The following AGFG1 variants were observed in gnomAD, a reference collection of about 807,000 sequenced individuals.
The protein encoded by AGFG1 is ArfGAP with FG repeats 1, also known as arf-GAP domain and FG repeat-containing protein 1.
A neutral mutation model predicts 60.6 loss-of-function variants in AGFG1; 10 were observed. The observed-to-expected ratio is 0.16, with a 90% CI of 0.10 to 0.28. The LOEUF is 0.28. AGFG1 is among the 10% of genes least tolerant of loss of function. The pLI, the probability that AGFG1 is intolerant of heterozygous loss-of-function variation, is 1.00. For synonymous variants in AGFG1, 247 were observed against 242.9 expected, an observed-to-expected ratio of 1.02 and a Z score of -0.16; for missense variants, 537 against 676.5, an observed-to-expected ratio of 0.79 and a Z score of 2.29.
intron 1 of AGFG1, among the ~76,000 whole-genome samples, chr2:227,474,086 A>G (rs567809013): frequency 1.3e-5 from 2 of 152,304 alleles, no homozygotes; most frequent in South Asian, 2.1e-4. Flanking sequence ...CCAGTTAATA[A>G]TATTCTCGAA....
At chr2:227,474,123 A>C (rs1231596279) in intron 1 of AGFG1, among the ~76,000 whole-genome samples, 1 of 152,238 alleles carries the variant, frequency 6.6e-6, no homozygotes, top group South Asian at 2.1e-4. Context: ...GAGCTAGGTG[A>C]TATCAAGGAG....
Position 227,496,121 on chromosome 2 carries a change from A to AAAGG in AGFG1, c.261+4483_261+4484insGGAA, listed in dbSNP as rs1553540677. On this transcript the variant is annotated intron_variant, in intron 2 of 12. Coordinates refer to ENST00000310078, the MANE Select transcript of AGFG1 (RefSeq NM_004504.5). The stretch of plus-strand genomic sequence containing the variant: ...GAGTGAGACTGTCTCAAAAAAAAAA[A>AAAGG]AAAGAAAAAAAAAGAAGACATTATT... Among the ~76,000 whole-genome samples, 2 of 142,974 alleles carry AAAGG rather than the reference A, an allele frequency of 1.4e-5. 1 individual carries two copies. The highest frequency in any genetic ancestry group is 1.4e-4 in the Admixed American group (2 of 14,256). 93.8% of individuals were successfully genotyped at this position (142,974 alleles called of 152,430 possible). A position where few individuals can be genotyped will look rare whatever the true frequency, so the allele number is the denominator to read the frequency against.
intron 4 of AGFG1, 121 bp from the exon 5 acceptor site, chr2:227,524,641 G>T: frequency 2.0e-6 from 2 of 1,009,820 alleles, no homozygotes; most frequent in Non-Finnish European, 2.9e-6. Flanking sequence ...AATGAGAAAG[G>T]TTAACTCAGC....
intron 2 of AGFG1, among the ~76,000 whole-genome samples, chr2:227,519,527 A>G (rs1182190800): frequency 2.0e-5 from 3 of 152,138 alleles, no homozygotes; most frequent in Admixed American, 2.0e-4. Context: ...TATTGTTACA[A>G]TTTTAAAGTG....
chr2:227,536,473 T>C, intron 8 of AGFG1, 152 bp from the exon 9 acceptor site: 1 of 584,390 alleles, frequency 1.7e-6, no homozygotes, highest in South Asian at 2.2e-5. Context: ...GTTTATTTTA[T>C]TACATCTTTA....
At position 227,533,603 on chromosome 2, in the gene AGFG1, A is replaced by C. The variant is rs1160299356; in HGVS notation, c.869A>C (p.Lys290Thr). Residue 290 changes from lysine to threonine, a missense_variant, in exon 7 of 13, where the codon AAA (lysine) becomes ACA (threonine). By Grantham distance (78) the Lys-to-Thr change is moderately conservative. Around this residue, in one of 4 missense-constraint regions of AGFG1, gnomAD observed 287 missense variants for 343.6 expected, o/e 0.84. Transcript: ENST00000310078. ...TTTGCTCATTTTGATAACTTCCCCAAATCCTCCAGTGCTGATTTTGGAACC... is the reference window on the plus strand; with the variant it reads ...TTTGCTCATTTTGATAACTTCCCCACATCCTCCAGTGCTGATTTTGGAACC... ...ANFAHFDNFPKSSSADFGTFN... is the reference protein window; with the variant it reads ...ANFAHFDNFPTSSSADFGTFN... 6.2e-7 allele frequency: 1 copy of C among 1,613,832 alleles called. No individual in the cohort carries two copies. The highest frequency in any genetic ancestry group is 2.2e-5 in the East Asian group (1 of 44,860).
rs763774591 is a variant in AGFG1 at position 227,536,603 on chromosome 2, C to A, written c.1206-22C>A. 1.9e-6 allele frequency: 3 copies of A among 1,595,142 alleles called. No individual in the cohort carries two copies. In the Admixed American group the frequency reaches 5.1e-5, roughly 27 times the overall value. On this transcript the variant is annotated intron_variant, in intron 8 of 12. Transcript: ENST00000310078. ...TTTTTTTTTTAAGAAAAAAAATGAA[C>A]TCTTTCAATATTTGTTCTCAGCAAT...
chr2:227,498,650 AT>A (rs1328918785), intron 2 of AGFG1, among the ~76,000 whole-genome samples: 1 of 152,230 alleles, frequency 6.6e-6, no homozygotes, highest in Non-Finnish European at 1.5e-5. Flanking sequence ...TTTCAGAGAA[AT>A]ACACTAACAA....
chr2:227,552,006 A>C lies in AGFG1; in HGVS notation c.1426A>C (p.Thr476Pro). 1 of 1,614,066 alleles carries C rather than the reference A, an allele frequency of 6.2e-7. No homozygotes were observed. Among genetic ancestry groups the C allele is most frequent in the Non-Finnish European group, 8.5e-7 (1 of 1,180,004 alleles). Reference protein sequence around the residue: ...ASMSMPTGFGTPAPYSLPTSF... With the variant: ...ASMSMPTGFGPPAPYSLPTSF... ...CATGAGCATGCCCACAGGATTCGGC[A>C]CTCCTGCTCCCTACAGTCTTCCCAC... is the stretch of plus-strand genomic sequence containing the variant. Residue 476 changes from threonine to proline, a missense_variant, in exon 11 of 13, where the codon ACT becomes CCT. Physicochemically the swap from Thr to Pro is conservative, Grantham distance 38. Transcript: ENST00000310078.
chr2:227,536,036 A>G (rs974135963), intron 8 of AGFG1, among the ~76,000 whole-genome samples: 5 of 152,016 alleles, frequency 3.3e-5, no homozygotes, highest in African/African-American at 1.2e-4. Context: ...TTTTTTTTTA[A>G]TACTTTAAGT....
chr2:227,526,418 A>ATTTTTTTTTTTTTTTTTTTG (rs1485963337), intron 5 of AGFG1, among the ~76,000 whole-genome samples: 1 of 139,932 alleles, frequency 7.1e-6, no homozygotes, highest in African/African-American at 2.9e-5. Flanking sequence ...TTTTATTTTT[A>ATTTTTTTTTTTTTTTTTTTG]ATGGAGATGG....
intron 1 of AGFG1, among the ~76,000 whole-genome samples, chr2:227,476,903 CTTTTT>C (rs55837522): frequency 9.0e-6 from 1 of 110,758 alleles, no homozygotes; most frequent in Non-Finnish European, 1.9e-5. Context: ...CTCTCTCTCT[CTTTTT>C]TTTTTTTTTT....
chr2:227,508,324 C>G (rs1691387599), intron 2 of AGFG1: 1 of 200,808 alleles, frequency 5.0e-6, no homozygotes, highest in South Asian at 8.5e-5. Flanking sequence ...TAAGAGGTGG[C>G]TGGTATTGAT....
At chr2:227,520,141 T>C (rs955045744) in intron 3 of AGFG1, 78 bp downstream of exon 3, 1 of 850,922 alleles carries the variant, frequency 1.2e-6, no homozygotes, top group Non-Finnish European at 1.9e-6. Context: ...TCTGACACAA[T>C]GAAGGATAAA....
At chr2:227,511,178 T>C (rs575261423) in intron 2 of AGFG1, among the ~76,000 whole-genome samples, 1 of 152,340 alleles carries the variant, frequency 6.6e-6, no homozygotes, top group South Asian at 2.1e-4. Flanking sequence ...TGTTATTCCC[T>C]GTGCACATTC....
chr2:227,506,990 T>G (rs147699480), intron 2 of AGFG1, among the ~76,000 whole-genome samples: 1 of 152,096 alleles, frequency 6.6e-6, no homozygotes, highest in Non-Finnish European at 1.5e-5. Context: ...TTGTGTGGTG[T>G]TTTTTTAATC....
intron 2 of AGFG1, among the ~76,000 whole-genome samples, chr2:227,514,092 A>G (rs1691580948): frequency 6.6e-6 from 1 of 152,214 alleles, no homozygotes; most frequent in South Asian, 2.1e-4. Flanking sequence ...AGGGAGATCT[A>G]CAGCTTCCTG....
At chr2:227,495,259 C>T (rs986709389) in intron 2 of AGFG1, among the ~76,000 whole-genome samples, 4 of 151,964 alleles carry the variant, frequency 2.6e-5, no homozygotes, top group Non-Finnish European at 4.4e-5. Context: ...AAAAAAAAAC[C>T]TGTAGTGATC....
chr2:227,483,374 C>T (rs1020936004), intron 1 of AGFG1, among the ~76,000 whole-genome samples: 2 of 152,090 alleles, frequency 1.3e-5, no homozygotes, highest in African/African-American at 2.4e-5. Flanking sequence ...TCTTGACATA[C>T]GTTATAATTT....
Sources: gnomAD v4.1 joint callset for allele counts (sites outside exome capture counted in the v4.1 genomes callset) on GRCh38, gnomAD v4.1.1 for gene constraint, gnomAD v4.1.1 regional missense constraint, MANE v1.5 for transcripts, NCBI Gene and HGNC (gene_info 2026-07-23, HGNC 2026-07-21) for gene names.